MYH3: variants seen among roughly 807,000 people sequenced by gnomAD.
MYH3 encodes myosin heavy chain 3.
Under a neutral mutation model 238.0 loss-of-function variants are expected in MYH3, and 130 were observed. The ratio of observed to expected loss-of-function variants is 0.55; its 90% CI spans 0.47 to 0.63. The LOEUF is 0.63. Among genes scored for constraint, MYH3 ranks in the 30% least tolerant of loss-of-function variants. MYH3 has a pLI of 0.00. For missense variants in MYH3, 1,853 were observed against 2,374.9 expected (o/e 0.78, Z 4.57); for synonymous variants, 880 against 924.1 (o/e 0.95, Z 0.86).
chr17:10,639,323 C>T lies in MYH3; in HGVS notation c.3077G>A (p.Ser1026Asn). 1 of 1,614,132 alleles carries T rather than the reference C, an allele frequency of 6.2e-7. No individual in the cohort carries two copies. The highest frequency in any genetic ancestry group is 8.5e-7 in the Non-Finnish European group (1 of 1,180,028). ...GTCTTCCACTTGCTGTTCCAGTTTG[C>T]TCTTGGTTTTGTTCAAAGAATTGAC... ...DKVNSLNKTK[S>N]KLEQQVEDLE... Residue 1026 changes from serine (S) to asparagine (N), a missense_variant, in exon 24 of 41, where the codon AGC (serine) becomes AAC (asparagine). Physicochemically the swap from Ser to Asn is conservative, Grantham distance 46. This residue lies in a region of MYH3 where 1,044 missense variants were observed against 1,192.6 expected (regional missense o/e 0.88). Coordinates refer to ENST00000583535, the MANE Select transcript of MYH3 (RefSeq NM_002470.4).
the MYH3 span, among the ~76,000 whole-genome samples, chr17:10,663,548 C>A: frequency 6.6e-6 from 1 of 151,890 alleles, no homozygotes; most frequent in African/African-American, 2.4e-5. Context: ...ATGAAGGCTT[C>A]TGGAAAGCTG....
chr17:10,632,977 C>T (rs1281840795), intron 33 of MYH3, among the ~76,000 whole-genome samples, 193 bp from the exon 34 acceptor site: 2 of 152,092 alleles, frequency 1.3e-5, no homozygotes, highest in Non-Finnish European at 2.9e-5. Context: ...TTTGGGAGGC[C>T]GAGGGGGGCA....
chr17:10,664,525 A>C, the MYH3 span, among the ~76,000 whole-genome samples: 1 of 152,176 alleles, frequency 6.6e-6, no homozygotes, highest in South Asian at 2.1e-4. Context: ...AATCAGAGTA[A>C]ATTTCCTGAA....
At chr17:10,658,414 G>A (rs545536649), upstream of MYH3, 4 of 152,382 alleles carry the variant, frequency 2.6e-5, no homozygotes, top group African/African-American at 4.8e-5. Context: ...TGAGGTCTGC[G>A]TGGGACCGGG....
At chr17:10,659,652 C>T (rs1262212941), upstream of MYH3, among the ~76,000 whole-genome samples, 1 of 152,222 alleles carries the variant, frequency 6.6e-6, no homozygotes, top group Non-Finnish European at 1.5e-5. Flanking sequence ...CCCAGATGAA[C>T]TGTGTGGTAC....
intron 2 of MYH3, among the ~76,000 whole-genome samples, chr17:10,655,614 G>A (rs2074420797): frequency 6.6e-6 from 1 of 151,928 alleles, no homozygotes; most frequent in South Asian, 2.1e-4. Context: ...GCATCTGTTT[G>A]ACAGTCCCCC....
At chr17:10,674,525 G>T in the MYH3 span, 2 of 212,184 alleles carry the variant, frequency 9.4e-6, no homozygotes, top group South Asian at 5.9e-5. Context: ...CCAGTGGTGT[G>T]ACACTGCCGG....
Position 10,651,560 on chromosome 17 carries a change from G to A in MYH3, c.457C>T (p.Pro153Ser), listed in dbSNP as rs776332251. 6.2e-7 allele frequency: 1 copy of A among 1,613,968 alleles called. No individual in the cohort carries two copies. The highest frequency in any genetic ancestry group is 1.7e-5 in the Admixed American group (1 of 60,006). Residue 153 changes from proline to serine, a missense_variant, in exon 5 of 41, where the codon CCC becomes TCC. Pro to Ser is a moderately conservative substitution (Grantham distance 74). Around this residue, in one of 3 missense-constraint regions of MYH3, gnomAD observed 678 missense variants for 1,058.9 expected, o/e 0.64. Coordinates refer to ENST00000583535, the MANE Select transcript of MYH3 (RefSeq NM_002470.4). ...TTGTCAGAGATGGAGAAGATGTGGGGTGGGGCCTCCTGGCGCTTTTTGCCT... is the reference window on the plus strand; with the variant it reads ...TTGTCAGAGATGGAGAAGATGTGGGATGGGGCCTCCTGGCGCTTTTTGCCT... ...YRGKKRQEAPPHIFSISDNAY... is the reference protein window; with the variant it reads ...YRGKKRQEAPSHIFSISDNAY...
intron 17 of MYH3, among the ~76,000 whole-genome samples, chr17:10,641,887 G>A (rs919716757): frequency 2.0e-5 from 3 of 152,128 alleles, no homozygotes; most frequent in Admixed American, 6.6e-5. Context: ...TTGTCTCCCA[G>A]TGAGCCAGAG....
At chr17:10,651,369 C>G (rs557775263) in intron 5 of MYH3, 143 bp downstream of exon 5, 4 of 1,465,298 alleles carry the variant, frequency 2.7e-6, no homozygotes, top group East Asian at 2.3e-5. Flanking sequence ...TGATGCAGCC[C>G]CTTTCTGCCT....
At chr17:10,655,766 C>T (rs545868802) in intron 2 of MYH3, among the ~76,000 whole-genome samples, 2 of 152,296 alleles carry the variant, frequency 1.3e-5, no homozygotes, top group African/African-American at 4.8e-5. Context: ...ATACTCCTGC[C>T]TCAGTCTCTT....
chr17:10,671,099 G>A, the MYH3 span, among the ~76,000 whole-genome samples: 1 of 151,980 alleles, frequency 6.6e-6, no homozygotes, highest in African/African-American at 2.4e-5. Flanking sequence ...TCACCATGTT[G>A]GCCAAACTGG....
chr17:10,630,492 G>A (rs757304431), intron 36 of MYH3, 34 bp from the exon 37 acceptor site: 2 of 1,613,884 alleles, frequency 1.2e-6, no homozygotes, highest in Non-Finnish European at 8.5e-7. Context: ...AGGATGCAGA[G>A]GAAGCTCCAG....
chr17:10,641,003 T>C, intron 19 of MYH3, 82 bp downstream of exon 19: 3 of 1,176,520 alleles, frequency 2.5e-6, no homozygotes, highest in Non-Finnish European at 2.6e-6. Context: ...AAATAGGTCT[T>C]TTCATACGAA....
In MYH3 at chr17:10,649,591, C is replaced by T. The variant is rs1338734565; in HGVS notation, c.628G>A (p.Asp210Asn). ...CCCATCTATACCTTCATTTTGGAGTCCTTCTTCTTGGCCAGGTCCCCAGTA... is the reference window on the plus strand; with the variant it reads ...CCCATCTATACCTTCATTTTGGAGTTCTTCTTCTTGGCCAGGTCCCCAGTA... ...AATGDLAKKKDSKMKGTLEDQ... is the reference protein window; with the variant it reads ...AATGDLAKKKNSKMKGTLEDQ... Residue 210 changes from aspartate (D) to asparagine (N), a missense_variant, in exon 7 of 41, where the codon GAC becomes AAC. Transcript: ENST00000583535. 6.2e-7 allele frequency: 1 copy of T among 1,614,026 alleles called. No homozygotes were observed.
Position 10,642,180 on chromosome 17 carries a change from A to T in MYH3, c.1959+60T>A. On this transcript the variant is annotated intron_variant, in intron 17 of 40. Transcript: ENST00000583535. This position sits in a 1 kb window ranked among gnomAD's most constrained non-coding sequence, Gnocchi z 5.4. The stretch of plus-strand genomic sequence containing the variant: ...AATAAATCAAGCTTAGAATCTCAGC[A>T]TTGCTCATTTAGATGTCACTTAAAT... 6.9e-7 allele frequency: 1 copy of T among 1,452,196 alleles called. No homozygotes were observed. The highest frequency in any genetic ancestry group is 2.3e-5 in the East Asian group (1 of 43,660). The allele number at this position is 1,452,196 out of a possible 1,614,324, so 90.0% of individuals were successfully genotyped here.
the MYH3 span, among the ~76,000 whole-genome samples, chr17:10,670,287 A>G: frequency 1.6e-4 from 24 of 152,192 alleles, no homozygotes; most frequent in Non-Finnish European, 3.4e-4. The surrounding 1 kb of genome is among the most constrained non-coding windows in gnomAD (Gnocchi z 7.0). Context: ...AGGCATCATC[A>G]GTGGATCACA....
upstream of MYH3, among the ~76,000 whole-genome samples, chr17:10,661,795 T>C (rs566452184): frequency 6.6e-6 from 1 of 152,212 alleles, no homozygotes; most frequent in Admixed American, 6.5e-5. Flanking sequence ...GGCTCCTGGA[T>C]CAAGAGCGTT....
Position 10,641,201 on chromosome 17 carries a change from C to A in MYH3, c.2049G>T (p.Gly683=). ...CIIPNETKTP[G]AMEHSLVLHQ... Reference sequence around the variant, plus strand: ...GCAGAACAAGGCTGTGTTCCATAGCCCCTGGGAACAGAAGCGAGATATCAG... The same window carrying A: ...GCAGAACAAGGCTGTGTTCCATAGCACCTGGGAACAGAAGCGAGATATCAG... Residue 683 remains glycine (G), a splice_region_variant and synonymous_variant, in exon 19 of 41, where the codon GGG becomes GGT. Transcript: ENST00000583535. 6.2e-7 allele frequency: 1 copy of A among 1,613,624 alleles called. No individual in the cohort carries two copies. Among genetic ancestry groups the A allele is most frequent in the Non-Finnish European group, 8.5e-7 (1 of 1,179,574 alleles).
Sources: gnomAD v4.1 joint callset for allele counts (sites outside exome capture counted in the v4.1 genomes callset) on GRCh38, gnomAD v4.1.1 for gene constraint, gnomAD v4.1.1 regional missense constraint, Gnocchi (gnomAD v3.1) non-coding constraint, MANE v1.5 for transcripts, NCBI Gene and HGNC (gene_info 2026-07-23, HGNC 2026-07-21) for gene names.